Variants in PTPRT observed in about 807,000 individuals in gnomAD.
PTPRT encodes the protein protein tyrosine phosphatase receptor type T, also known as receptor-type tyrosine-protein phosphatase T.
A neutral mutation model predicts 176.8 loss-of-function variants in PTPRT; 56 were observed. That is an observed-to-expected ratio of 0.32 (90% CI 0.26 to 0.40). The LOEUF (loss-of-function observed/expected upper bound fraction) is 0.40, where lower values mean the gene tolerates loss of function less well. Among genes scored for constraint, PTPRT ranks in the 10% least tolerant of loss-of-function variants. PTPRT has a pLI of 1.00. For missense variants in PTPRT, 1,540 were observed against 1,908.2 expected (o/e 0.81, Z 3.60); for synonymous variants, 783 against 739.0 (o/e 1.06, Z -0.96).
chr20:42,768,081 A>G (rs555754257), intron 5 of PTPRT, among the ~76,000 whole-genome samples: 1 of 151,832 alleles, frequency 6.6e-6, no homozygotes, highest in East Asian at 1.9e-4. Context: ...CTGATTGCAC[A>G]TAAGCCTGGA....
At chr20:42,964,025 G>A (rs1401428303) in intron 1 of PTPRT, among the ~76,000 whole-genome samples, 1 of 152,078 alleles carries the variant, frequency 6.6e-6, no homozygotes, top group Non-Finnish European at 1.5e-5. Flanking sequence ...TTCCTAACCT[G>A]TGTGCTGTCA....
intron 9 of PTPRT, among the ~76,000 whole-genome samples, chr20:42,443,658 T>C (rs755117643): frequency 6.6e-6 from 1 of 152,132 alleles, no homozygotes; most frequent in African/African-American, 2.4e-5. Flanking sequence ...GACGGTTTCA[T>C]AGCCCTGGAG....
At chr20:42,115,965 C>T (rs1987255868) in intron 21 of PTPRT, 11 of 706,780 alleles carry the variant, frequency 1.6e-5, no homozygotes, top group South Asian at 1.1e-4. Context: ...ATTCCCCAGT[C>T]GACTGTTTAA....
At chr20:42,693,934 T>C (rs1304003482) in intron 6 of PTPRT, among the ~76,000 whole-genome samples, 1 of 152,128 alleles carries the variant, frequency 6.6e-6, no homozygotes, top group Non-Finnish European at 1.5e-5. Context: ...ACTTCTAAAA[T>C]TTTGTTATTT....
Position 42,718,730 on chromosome 20 carries a change from C to G in PTPRT, c.859+37732G>C, listed in dbSNP as rs565117553. On this transcript the variant is annotated intron_variant, in intron 6 of 30. Coordinates refer to ENST00000373187, the MANE Select transcript of PTPRT (RefSeq NM_007050.6). ...GAGAATCAATGACTTGGAGTGAGAC[C>G]GAGGAGGGCTTCTGAGGTGCTGGTT... 5.9e-5 allele frequency among the ~76,000 whole-genome samples: 9 copies of G among 152,108 alleles called. No individual in the cohort carries two copies. In the South Asian group the frequency reaches 1.9e-3, roughly 32 times the overall value.
At chr20:42,476,146 T>G (rs1481096760) in intron 7 of PTPRT, among the ~76,000 whole-genome samples, 1 of 152,232 alleles carries the variant, frequency 6.6e-6, no homozygotes, top group Non-Finnish European at 1.5e-5. Flanking sequence ...AAATTGCCTT[T>G]GGCTAACAGT....
At chr20:42,394,495 C>T (rs191862607) in intron 9 of PTPRT, among the ~76,000 whole-genome samples, 7 of 152,206 alleles carry the variant, frequency 4.6e-5, no homozygotes, top group Non-Finnish European at 7.4e-5. Context: ...ACCAAGAGGA[C>T]GGCCAGCCTA....
At chr20:42,823,996 G>A (rs2145666768) in intron 2 of PTPRT, among the ~76,000 whole-genome samples, 1 of 151,972 alleles carries the variant, frequency 6.6e-6, no homozygotes, top group East Asian at 1.9e-4. Context: ...ATAACCACTT[G>A]GAAGCTCTGA....
intron 6 of PTPRT, among the ~76,000 whole-genome samples, chr20:42,716,339 A>G (rs1600654168): frequency 6.6e-6 from 1 of 152,190 alleles, no homozygotes. Flanking sequence ...TGTCTTCCAC[A>G]TGGTTGAACT....
In PTPRT at chr20:43,028,401, C is replaced by T. The variant is rs955284161; in HGVS notation, c.89-142469G>A. ...GGTTCCCCTCCCACCTCCCAACTTC[C>T]CTGAAGTGTCACAGGTAAAATACTC... On this transcript the variant is annotated intron_variant, in intron 1 of 30. Transcript: ENST00000373187. Among the ~76,000 whole-genome samples the T allele has an allele frequency of 2.6e-5, 4 of 152,168 alleles. No homozygotes were observed. In the East Asian group the frequency reaches 7.7e-4, roughly 29 times the overall value.
chr20:42,706,175 CTGTTTGTGTGTGTG>C lies in PTPRT; in HGVS notation c.860-28030_860-28017del, dbSNP rs1342241725. On this transcript the variant is annotated intron_variant, in intron 6 of 30. Coordinates refer to ENST00000373187, the MANE Select transcript of PTPRT (RefSeq NM_007050.6). ...TCTCTCTTTATCTCTCTCTCTCTCT[CTGTTTGTGTGTGTG>C]TGTGTGTGTGTGTGTGTGTGTGTGT... 3.3e-3 allele frequency among the ~76,000 whole-genome samples: 359 copies of C among 109,318 alleles called. 2 individuals carry two copies. The highest frequency in any genetic ancestry group is 0.017 in the Middle Eastern group (4 of 232). 71.7% of individuals were successfully genotyped at this position (109,318 alleles called of 152,430 possible).
intron 1 of PTPRT, among the ~76,000 whole-genome samples, chr20:42,896,600 A>G (rs925631059): frequency 6.8e-6 from 1 of 147,086 alleles, no homozygotes; most frequent in African/African-American, 2.6e-5. Context: ...ATGCCATTGC[A>G]CTCCAATCTA....
At chr20:42,671,742 T>C (rs1280528625) in intron 7 of PTPRT, among the ~76,000 whole-genome samples, 1 of 152,226 alleles carries the variant, frequency 6.6e-6, no homozygotes, top group Non-Finnish European at 1.5e-5. Context: ...TTTGCTCTCA[T>C]ACCTATATCT....
chr20:42,731,847 T>C (rs1315358726), intron 6 of PTPRT, among the ~76,000 whole-genome samples: 1 of 152,192 alleles, frequency 6.6e-6, no homozygotes, highest in African/African-American at 2.4e-5. Flanking sequence ...CCTCTAGAGT[T>C]TCCCACTCAC....
chr20:42,541,138 T>TA (rs930884054), intron 7 of PTPRT, among the ~76,000 whole-genome samples: 2 of 152,040 alleles, frequency 1.3e-5, no homozygotes, highest in African/African-American at 2.4e-5. Flanking sequence ...TTTAAAAATA[T>TA]AAAAAAATAT....
At chr20:42,177,883 T>G (rs2146572915) in intron 16 of PTPRT, among the ~76,000 whole-genome samples, 1 of 151,304 alleles carries the variant, frequency 6.6e-6, no homozygotes, top group African/African-American at 2.4e-5. Context: ...CCTCTCTCTC[T>G]TTTTTCTTTC....
chr20:42,916,863 C>T (rs1166812114), intron 1 of PTPRT, among the ~76,000 whole-genome samples: 9 of 151,920 alleles, frequency 5.9e-5, no homozygotes, highest in Non-Finnish European at 1.0e-4. Flanking sequence ...GGATATTAGC[C>T]CTTTGTCAGA....
chr20:42,368,233 A>C (rs1241700226), intron 9 of PTPRT, among the ~76,000 whole-genome samples: 1 of 152,160 alleles, frequency 6.6e-6, no homozygotes, highest in African/African-American at 2.4e-5. Context: ...GGCAGGAAAA[A>C]TGAACACAAA....
chr20:42,592,796 C>A (rs2073603730), intron 7 of PTPRT, among the ~76,000 whole-genome samples: 1 of 152,160 alleles, frequency 6.6e-6, no homozygotes, highest in Non-Finnish European at 1.5e-5. Context: ...TCCACCTAAC[C>A]ATGTTATCCA....
Sources: gnomAD v4.1 joint callset for allele counts (sites outside exome capture counted in the v4.1 genomes callset) on GRCh38, gnomAD v4.1.1 for gene constraint, MANE v1.5 for transcripts, NCBI Gene and HGNC (gene_info 2026-07-23, HGNC 2026-07-21) for gene names.